GALNTL6: variants seen among roughly 807,000 people sequenced by gnomAD.
GALNTL6 encodes polypeptide N-acetylgalactosaminyltransferase-like 6.
A neutral mutation model predicts 73.7 loss-of-function variants in GALNTL6; 46 were observed. The ratio of observed to expected loss-of-function variants is 0.62; its 90% CI spans 0.49 to 0.80. The LOEUF is 0.80. Among genes scored for constraint, GALNTL6 ranks in the 30% least tolerant of loss-of-function variants. GALNTL6 has a pLI of 0.00. For missense variants in GALNTL6, 604 were observed against 755.0 expected (o/e 0.80, Z 2.34); for synonymous variants, 259 against 263.7 (o/e 0.98, Z 0.17).
chr4:172,656,918 G>T (rs1465294232), intron 5 of GALNTL6, among the ~76,000 whole-genome samples: 2 of 137,768 alleles, frequency 1.5e-5, no homozygotes, highest in Admixed American at 1.5e-4. Context: ...AGTTAAATGA[G>T]AAGGACATTA....
chr4:172,803,478 T>C (rs1313346534), intron 5 of GALNTL6, among the ~76,000 whole-genome samples: 1 of 152,192 alleles, frequency 6.6e-6, no homozygotes, highest in Non-Finnish European at 1.5e-5. Context: ...TTGTCTTCCA[T>C]GTAACTGGCC....
At chr4:172,573,680 C>A (rs1184842378) in intron 5 of GALNTL6, among the ~76,000 whole-genome samples, 6 of 152,184 alleles carry the variant, frequency 3.9e-5, no homozygotes, top group South Asian at 2.1e-4. Flanking sequence ...TGCATGAAGC[C>A]CTTACAGAGA....
At chr4:172,071,734 G>T (rs1470589788) in intron 2 of GALNTL6, among the ~76,000 whole-genome samples, 1 of 41,554 alleles carries the variant, frequency 2.4e-5, no homozygotes, top group African/African-American at 9.1e-5. Context: ...ATAGTATCTT[G>T]CATTTTGGCA....
chr4:172,962,092 A>C (rs1295042955), intron 10 of GALNTL6, among the ~76,000 whole-genome samples: 1 of 152,178 alleles, frequency 6.6e-6, no homozygotes, highest in African/African-American at 2.4e-5. Flanking sequence ...TCTGGCTGGC[A>C]AGGGTGGGGG....
intron 7 of GALNTL6, among the ~76,000 whole-genome samples, chr4:172,877,804 G>A (rs1487468929): frequency 6.6e-6 from 1 of 151,824 alleles, no homozygotes; most frequent in Admixed American, 6.6e-5. Flanking sequence ...TGGATAACAG[G>A]TTTGTATTAG....
intron 2 of GALNTL6, among the ~76,000 whole-genome samples, chr4:171,955,212 A>T (rs1187300445): frequency 6.6e-6 from 1 of 152,136 alleles, no homozygotes; most frequent in East Asian, 1.9e-4. Flanking sequence ...ACAAAAACAA[A>T]AATAAAGCAT....
intron 5 of GALNTL6, among the ~76,000 whole-genome samples, chr4:172,745,503 A>G (rs1159801619): frequency 6.6e-6 from 1 of 151,596 alleles, no homozygotes; most frequent in Non-Finnish European, 1.5e-5. Context: ...GCAAAAACAC[A>G]GAATCATCTG....
chr4:172,490,352 A>G (rs955582282), intron 5 of GALNTL6, among the ~76,000 whole-genome samples: 1 of 152,190 alleles, frequency 6.6e-6, no homozygotes, highest in Non-Finnish European at 1.5e-5. Flanking sequence ...ATGAGAATGG[A>G]GAATTAATCT....
intron 5 of GALNTL6, among the ~76,000 whole-genome samples, chr4:172,807,579 A>C (rs1407907192): frequency 1.3e-5 from 2 of 152,160 alleles, no homozygotes; most frequent in Non-Finnish European, 2.9e-5. Context: ...ACAATCCCCT[A>C]AATCCTTTAT....
At chr4:172,831,929 T>G (rs1742661104) in intron 7 of GALNTL6, among the ~76,000 whole-genome samples, 1 of 152,194 alleles carries the variant, frequency 6.6e-6, no homozygotes, top group South Asian at 2.1e-4. Context: ...CACCCTGATC[T>G]CCGTCATCCA....
chr4:172,241,887 C>T lies in GALNTL6; in HGVS notation c.247+12123C>T, dbSNP rs561065253. On this transcript the variant is annotated intron_variant, in intron 3 of 12. Transcript: ENST00000506823. ...TTTATCTTTTAACAGTTTGGCTGCA[C>T]CTCTCAGCTGTACATTATCACAAAA... Among the ~76,000 whole-genome samples the T allele has an allele frequency of 2.0e-5, 3 of 152,208 alleles. No homozygotes were observed. In the East Asian group the frequency reaches 5.8e-4, roughly 29 times the overall value.
In GALNTL6 at chr4:172,481,375, T is replaced by C. The variant is rs192792337; in HGVS notation, c.553+132686T>C. ...AAAGAGTGAGCACCAGCAAGACGTA[T>C]TGCAAAGAGCAAAAGAGCAAAGCTT... On this transcript the variant is annotated intron_variant, in intron 5 of 12. Transcript: ENST00000506823. 1.9e-3 allele frequency among the ~76,000 whole-genome samples: 290 copies of C among 152,060 alleles called. 1 individual carries two copies. The highest frequency in any genetic ancestry group is 6.7e-3 in the African/African-American group (278 of 41,476).
At chr4:172,255,713 C>T (rs1703267123) in intron 3 of GALNTL6, among the ~76,000 whole-genome samples, 2 of 151,354 alleles carry the variant, frequency 1.3e-5, no homozygotes, top group Non-Finnish European at 1.5e-5. Flanking sequence ...TCTGAATAAT[C>T]ATGGGACTAC....
chr4:172,376,520 G>T (rs1045284745), intron 5 of GALNTL6, among the ~76,000 whole-genome samples: 1 of 152,170 alleles, frequency 6.6e-6, no homozygotes, highest in Non-Finnish European at 1.5e-5. Flanking sequence ...GAAGAGTCAG[G>T]GGTTGTTAGA....
At chr4:172,519,513 T>C (rs1046441355) in intron 5 of GALNTL6, among the ~76,000 whole-genome samples, 1 of 151,140 alleles carries the variant, frequency 6.6e-6, no homozygotes, top group African/African-American at 2.4e-5. Flanking sequence ...TTCTTTCTTT[T>C]TTTTTTTTTA....
intron 2 of GALNTL6, among the ~76,000 whole-genome samples, chr4:171,887,429 A>G (rs1380985586): frequency 6.6e-6 from 1 of 152,200 alleles, no homozygotes; most frequent in African/African-American, 2.4e-5. Context: ...ATCACCTTGG[A>G]AGCAGAGAGA....
chr4:172,253,325 T>C (rs1737946839), intron 3 of GALNTL6, among the ~76,000 whole-genome samples: 1 of 151,936 alleles, frequency 6.6e-6, no homozygotes, highest in Non-Finnish European at 1.5e-5. Flanking sequence ...GAGACATTCC[T>C]GGATTGGGGG....
At position 172,405,107 on chromosome 4, in the gene GALNTL6, G is replaced by A. The variant is rs1744162546; in HGVS notation, c.553+56418G>A. On this transcript the variant is annotated intron_variant, in intron 5 of 12. Transcript: ENST00000506823. ...AAAAGAACTAAAAGACATTTTTAGA[G>A]CAAAATGAAATGATTCGGAAAGCCT... Among the ~76,000 whole-genome samples the A allele has an allele frequency of 2.0e-5, 3 of 151,800 alleles. No individual in the cohort carries two copies. The Admixed American group carries it at 2.0e-4, about 10-fold the overall frequency.
At chr4:173,013,351 C>T (rs1752637653) in intron 11 of GALNTL6, among the ~76,000 whole-genome samples, 2 of 152,118 alleles carry the variant, frequency 1.3e-5, no homozygotes, top group Admixed American at 1.3e-4. Flanking sequence ...CTATTCAACC[C>T]AACTAAGAAA....
Sources: gnomAD v4.1 joint callset for allele counts (sites outside exome capture counted in the v4.1 genomes callset) on GRCh38, gnomAD v4.1.1 for gene constraint, MANE v1.5 for transcripts, NCBI Gene and HGNC (gene_info 2026-07-23, HGNC 2026-07-21) for gene names.